The following SPIRE1 variants were observed in gnomAD, a reference collection of about 807,000 sequenced individuals.
SPIRE1 encodes the protein spire type actin nucleation factor 1, also known as protein spire homolog 1.
Under a neutral mutation model 94.1 loss-of-function variants are expected in SPIRE1, and 40 were observed. The observed-to-expected ratio is 0.43, with a 90% CI of 0.33 to 0.55. The LOEUF (loss-of-function observed/expected upper bound fraction) is 0.55, where lower values mean the gene tolerates loss of function less well. SPIRE1 is among the 20% of genes least tolerant of loss of function. The probability of loss-of-function intolerance (pLI) is 0.06; values close to 1 mark genes in which losing one functional copy is unlikely to be tolerated. For missense variants in SPIRE1, 838 were observed against 975.2 expected (o/e 0.86, Z 1.87); for synonymous variants, 376 against 371.7 (o/e 1.01, Z -0.13).
At position 12,595,553 on chromosome 18, in the gene SPIRE1, C is replaced by T. The variant is rs139937091; in HGVS notation, c.372+39509G>A. Among the ~76,000 whole-genome samples the T allele has an allele frequency of 1.9e-3, 294 of 152,270 alleles. 1 individual carries two copies. Among genetic ancestry groups the T allele is most frequent in the African/African-American group, 6.4e-3 (266 of 41,556 alleles). On this transcript the variant is annotated intron_variant, in intron 2 of 16. Transcript: ENST00000409402. ...CAAGTGCTATTAAAAGAAAACTATACGTGTGGCTCATCTACCAGAAGTTCT... is the reference window on the plus strand; with the variant it reads ...CAAGTGCTATTAAAAGAAAACTATATGTGTGGCTCATCTACCAGAAGTTCT...
At chr18:12,533,501 T>G (rs997783870) in intron 4 of SPIRE1, among the ~76,000 whole-genome samples, 1 of 152,290 alleles carries the variant, frequency 6.6e-6, no homozygotes, top group Non-Finnish European at 1.5e-5. Flanking sequence ...TATCCAATCA[T>G]CACGCTTAGG....
At chr18:12,650,176 T>C (rs1419878828) in intron 1 of SPIRE1, among the ~76,000 whole-genome samples, 1 of 151,654 alleles carries the variant, frequency 6.6e-6, no homozygotes, top group Non-Finnish European at 1.5e-5. Flanking sequence ...GAGGCGAAGG[T>C]TGCAGTGACC....
chr18:12,645,394 C>T (rs376904604), intron 1 of SPIRE1, among the ~76,000 whole-genome samples: 45 of 152,290 alleles, frequency 3.0e-4, no homozygotes, highest in African/African-American at 1.0e-3. Context: ...CCCACCCTAA[C>T]CTGCCCCTCC....
intron 6 of SPIRE1, among the ~76,000 whole-genome samples, chr18:12,497,058 ACT>A (rs1380307943): frequency 3.9e-5 from 6 of 151,966 alleles, no homozygotes; most frequent in African/African-American, 1.2e-4. Flanking sequence ...ACAGAGCAAG[ACT>A]CTGTCGCAAA....
intron 2 of SPIRE1, among the ~76,000 whole-genome samples, chr18:12,568,213 C>T (rs540049280): frequency 7.9e-5 from 12 of 152,326 alleles, no homozygotes; most frequent in African/African-American, 2.9e-4. Context: ...TGGACCTTCC[C>T]AGGGTGGGAA....
At chr18:12,597,208 A>T (rs1460379132) in intron 2 of SPIRE1, among the ~76,000 whole-genome samples, 1 of 149,456 alleles carries the variant, frequency 6.7e-6, no homozygotes, top group Non-Finnish European at 1.5e-5. Context: ...ACACACACAG[A>T]GGGAGAGAGA....
intron 2 of SPIRE1, among the ~76,000 whole-genome samples, chr18:12,554,307 A>G: frequency 6.6e-6 from 1 of 151,688 alleles, no homozygotes; most frequent in South Asian, 2.1e-4. Context: ...AAAAAAAAAA[A>G]AAAAAAAAAG....
rs1567976766 is a variant in SPIRE1, at chr18:12,626,888, T to TATATATATA, written c.372+8173_372+8174insTATATATAT. Among the ~76,000 whole-genome samples the TATATATATA allele has an allele frequency of 2.1e-3, 98 of 45,740 alleles. 1 individual carries two copies. Among genetic ancestry groups the TATATATATA allele is most frequent in the African/African-American group, 5.2e-3 (94 of 18,018 alleles). The allele number at this position is 45,740 out of a possible 152,430, so 30.0% of individuals were successfully genotyped here. ...GTAAAATATATATATATATATATAT[T>TATATATATA]TTTTTTTTTTTTTTGCCCAGAGGAT... is the stretch of plus-strand genomic sequence containing the variant. On this transcript the variant is annotated intron_variant, in intron 2 of 16. Coordinates refer to ENST00000409402, the MANE Select transcript of SPIRE1 (RefSeq NM_001128626.2).
chr18:12,566,127 G>A (rs2035814788), intron 2 of SPIRE1, among the ~76,000 whole-genome samples: 1 of 151,772 alleles, frequency 6.6e-6, no homozygotes, highest in African/African-American at 2.4e-5. Flanking sequence ...CCTGAGGTCA[G>A]GAGTTTGAGA....
chr18:12,503,118 G>GAA (rs200503459), intron 6 of SPIRE1, among the ~76,000 whole-genome samples: 1 of 134,260 alleles, frequency 7.4e-6, no homozygotes. Flanking sequence ...CAAAAAAAAA[G>GAA]AAAAAAAAAA....
intron 3 of SPIRE1, among the ~76,000 whole-genome samples, chr18:12,539,006 T>C (rs994395030): frequency 6.6e-6 from 1 of 152,258 alleles, no homozygotes; most frequent in African/African-American, 2.4e-5. Flanking sequence ...CTAGTCTACA[T>C]GGTTCTTCTT....
intron 4 of SPIRE1, among the ~76,000 whole-genome samples, chr18:12,532,152 T>C (rs1053265198): frequency 3.9e-5 from 6 of 152,210 alleles, no homozygotes; most frequent in African/African-American, 1.4e-4. Flanking sequence ...AAGGAGTTCA[T>C]TGGTTGTTTA....
chr18:12,560,818 ACTCTAG>A (rs2035661379), intron 2 of SPIRE1, among the ~76,000 whole-genome samples: 1 of 152,204 alleles, frequency 6.6e-6, no homozygotes, highest in African/African-American at 2.4e-5. Context: ...GCCCCACTGC[ACTCTAG>A]CCTGGGTGAC....
Position 12,603,574 on chromosome 18 carries a change from A to AT in SPIRE1, c.372+31487dup, listed in dbSNP as rs71174104. Among the ~76,000 whole-genome samples the AT allele has an allele frequency of 1.9e-3, 263 of 138,372 alleles. 1 individual carries two copies. The highest frequency in any genetic ancestry group is 3.7e-3 in the African/African-American group (141 of 37,610). 90.8% of individuals were successfully genotyped at this position (138,372 alleles called of 152,430 possible). A position where few individuals can be genotyped will look rare whatever the true frequency, so the allele number is the denominator to read the frequency against. On this transcript the variant is annotated intron_variant, in intron 2 of 16. Transcript: ENST00000409402. ...CGTCTGAGCTGATCACCAGTAGCCAATTTTTTTTTTTTTTTTTTGAGATGG... is the reference window on the plus strand; with the variant it reads ...CGTCTGAGCTGATCACCAGTAGCCAATTTTTTTTTTTTTTTTTTTGAGATGG...
rs555181228 is a variant in SPIRE1 at position 12,527,434 on chromosome 18, C to G, written c.729+8042G>C. 1.7e-4 allele frequency among the ~76,000 whole-genome samples: 26 copies of G among 152,242 alleles called. 1 individual carries two copies. The highest frequency in any genetic ancestry group is 6.3e-4 in the African/African-American group (26 of 41,540). ...ACTAACATAAACAAAGGATGAGATA[C>G]CCAGGGTTTATATATAAGGATAGGC... On this transcript the variant is annotated intron_variant, in intron 4 of 16. Transcript: ENST00000409402.
chr18:12,580,459 G>C (rs56382499), intron 2 of SPIRE1, among the ~76,000 whole-genome samples: 2 of 151,782 alleles, frequency 1.3e-5, no homozygotes, highest in African/African-American at 2.4e-5. Flanking sequence ...AAGTAGCTGG[G>C]GTTACAGGTG....
intron 7 of SPIRE1, among the ~76,000 whole-genome samples, chr18:12,494,856 A>AT (rs2033389139): frequency 6.9e-6 from 1 of 144,568 alleles, no homozygotes; most frequent in Non-Finnish European, 1.5e-5. Flanking sequence ...AAAAAAAAAA[A>AT]ATACAAAAAA....
intron 2 of SPIRE1, among the ~76,000 whole-genome samples, chr18:12,578,740 A>C (rs2036176983): frequency 6.6e-6 from 1 of 152,212 alleles, no homozygotes; most frequent in Non-Finnish European, 1.5e-5. Context: ...TTAGTCACCT[A>C]GTCTATGGTA....
intron 2 of SPIRE1, among the ~76,000 whole-genome samples, chr18:12,619,138 C>T (rs982487352): frequency 2.6e-5 from 4 of 152,088 alleles, no homozygotes; most frequent in South Asian, 4.1e-4. Context: ...TCAGGTGATC[C>T]GCCCGCCACG....
Sources: allele counts gnomAD v4.1 joint callset (sites outside exome capture counted in the v4.1 genomes callset), GRCh38; gene constraint gnomAD v4.1.1; transcripts MANE v1.5; gene names NCBI Gene and HGNC (gene_info 2026-07-23, HGNC 2026-07-21).